The following TDRD3 variants were observed in gnomAD, a reference collection of about 807,000 sequenced individuals.
TDRD3 encodes tudor domain containing 3, also known as tudor domain-containing protein 3.
TDRD3 carries 45 observed loss-of-function variants against 86.7 expected under a neutral mutation model. That is an observed-to-expected ratio of 0.52 (90% CI 0.41 to 0.67). The LOEUF (loss-of-function observed/expected upper bound fraction) is 0.67. Among genes scored for constraint, TDRD3 ranks in the 30% least tolerant of loss-of-function variants. The pLI is 0.00. For missense variants in TDRD3, 814 were observed against 889.0 expected, an observed-to-expected ratio of 0.92 and a Z score of 1.07; for synonymous variants, 298 against 301.7, an observed-to-expected ratio of 0.99 and a Z score of 0.13.
intron 5 of TDRD3, among the ~76,000 whole-genome samples, chr13:60,482,635 TTTG>T (rs1242486010): frequency 6.6e-6 from 1 of 152,188 alleles, no homozygotes; most frequent in Non-Finnish European, 1.5e-5. Context: ...ATTTTATGCA[TTTG>T]TTGTTGTGAA....
At chr13:60,493,507 C>G (rs1000793136) in intron 7 of TDRD3, among the ~76,000 whole-genome samples, 11 of 151,932 alleles carry the variant, frequency 7.2e-5, no homozygotes, top group Non-Finnish European at 1.5e-4. Flanking sequence ...ACTAAAAATA[C>G]AAAAATTAGC....
intron 3 of TDRD3, among the ~76,000 whole-genome samples, chr13:60,448,890 T>C (rs1955467970): frequency 6.6e-6 from 1 of 152,224 alleles, no homozygotes; most frequent in South Asian, 2.1e-4. Context: ...TTCAAAATAC[T>C]TTCTTATCAA....
intron 1 of TDRD3, among the ~76,000 whole-genome samples, chr13:60,397,817 A>T (rs1414647913): frequency 6.6e-6 from 1 of 151,936 alleles, no homozygotes; most frequent in Non-Finnish European, 1.5e-5. Flanking sequence ...GCTGGGAACG[A>T]AGTGCGGCGG....
intron 7 of TDRD3, among the ~76,000 whole-genome samples, chr13:60,486,602 A>G (rs760721023): frequency 2.0e-5 from 3 of 152,150 alleles, no homozygotes; most frequent in Admixed American, 2.0e-4. Context: ...AACATTTACC[A>G]TCTTTGTGTT....
intron 5 of TDRD3, among the ~76,000 whole-genome samples, chr13:60,476,185 A>C (rs1296554309): frequency 2.0e-5 from 3 of 152,166 alleles, no homozygotes; most frequent in African/African-American, 7.2e-5. Flanking sequence ...GTTACATTAA[A>C]GTCTTTAATT....
intron 1 of TDRD3, among the ~76,000 whole-genome samples, chr13:60,438,801 T>G (rs1024672539): frequency 1.3e-5 from 2 of 152,152 alleles, no homozygotes; most frequent in African/African-American, 4.8e-5. Flanking sequence ...ACTAGCAGTC[T>G]TGGATCCTTT....
intron 13 of TDRD3, among the ~76,000 whole-genome samples, chr13:60,571,823 CAGGAGATACCT>C (rs1180675907): frequency 6.6e-6 from 1 of 151,920 alleles, no homozygotes; most frequent in Non-Finnish European, 1.5e-5. Context: ...AGTGACAGAG[CAGGAGATACCT>C]AGGAATCAGG....
chr13:60,408,651 T>C lies in TDRD3; in HGVS notation c.41+11246T>C, dbSNP rs1954289621. 1.3e-5 allele frequency among the ~76,000 whole-genome samples: 2 copies of C among 152,136 alleles called. 1 individual carries two copies. The highest frequency in any genetic ancestry group is 2.9e-5 in the Non-Finnish European group (2 of 68,030). ...TGTGGAACTTTGCACTTGAGAGAGA[T>C]GATTTAAGGTATCTAGCAGAAGAAA... On this transcript the variant is annotated intron_variant, in intron 1 of 13. Transcript: ENST00000377881.
chr13:60,411,711 C>G (rs970065659), intron 1 of TDRD3, among the ~76,000 whole-genome samples: 2 of 152,126 alleles, frequency 1.3e-5, no homozygotes, highest in Non-Finnish European at 2.9e-5. Flanking sequence ...TCCCCTCACC[C>G]CTTGCTACTC....
chr13:60,463,056 G>A (rs1219030854), intron 4 of TDRD3, among the ~76,000 whole-genome samples: 3 of 152,138 alleles, frequency 2.0e-5, no homozygotes, highest in Non-Finnish European at 2.9e-5. Flanking sequence ...AGGAAAACTA[G>A]CATATGTAGA....
intron 7 of TDRD3, among the ~76,000 whole-genome samples, chr13:60,490,170 A>ATAAT (rs1204655482): frequency 6.6e-6 from 1 of 151,298 alleles, no homozygotes; most frequent in East Asian, 1.9e-4. Context: ...TTATCCAGTG[A>ATAAT]TAATTGTAGG....
chr13:60,524,153 T>A (rs976226682), intron 10 of TDRD3, among the ~76,000 whole-genome samples: 4 of 152,128 alleles, frequency 2.6e-5, no homozygotes, highest in Non-Finnish European at 5.9e-5. Context: ...ACTTAGAATC[T>A]GACTGGGGAA....
intron 1 of TDRD3, among the ~76,000 whole-genome samples, chr13:60,408,518 C>G (rs1954286632): frequency 6.6e-6 from 1 of 152,146 alleles, no homozygotes; most frequent in Non-Finnish European, 1.5e-5. Context: ...CAATAAGATC[C>G]AGGCTGAGGT....
At chr13:60,485,679 G>A (rs1029254983) in intron 6 of TDRD3, 120 bp from the exon 7 acceptor site, 10 of 783,138 alleles carry the variant, frequency 1.3e-5, no homozygotes, top group Non-Finnish European at 1.8e-5. Context: ...AATTTTATTT[G>A]TGTAGGCTTT....
At chr13:60,479,251 G>A (rs887785378) in intron 5 of TDRD3, among the ~76,000 whole-genome samples, 12 of 152,018 alleles carry the variant, frequency 7.9e-5, no homozygotes, top group Non-Finnish European at 1.8e-4. Context: ...TGATTTCATT[G>A]TTCACCCAGA....
chr13:60,407,108 T>G (rs1256896220), intron 1 of TDRD3, among the ~76,000 whole-genome samples: 1 of 152,194 alleles, frequency 6.6e-6, no homozygotes, highest in Non-Finnish European at 1.5e-5. Context: ...TTGACTCAGT[T>G]CAAGCTTTGT....
chr13:60,413,486 G>T (rs1954417859), intron 1 of TDRD3, among the ~76,000 whole-genome samples: 1 of 152,036 alleles, frequency 6.6e-6, no homozygotes, highest in Non-Finnish European at 1.5e-5. Context: ...TCTATAAAAT[G>T]GTGTCAATAT....
intron 7 of TDRD3, among the ~76,000 whole-genome samples, chr13:60,489,531 T>C (rs1415154164): frequency 6.6e-6 from 1 of 152,194 alleles, no homozygotes; most frequent in African/African-American, 2.4e-5. Flanking sequence ...GGATGGTTAC[T>C]CAGCTTTTTT....
chr13:60,408,669 A>G lies in TDRD3; in HGVS notation c.41+11264A>G, dbSNP rs145590871. Among the ~76,000 whole-genome samples the G allele has an allele frequency of 5.3e-5, 8 of 152,344 alleles. No homozygotes were observed. In the East Asian group the frequency reaches 1.4e-3, roughly 26 times the overall value. On this transcript the variant is annotated intron_variant, in intron 1 of 13. Transcript: ENST00000377881. ...AGAGAGATGATTTAAGGTATCTAGC[A>G]GAAGAAATTTCTAAGCAGCATAGCA...
Sources: gnomAD v4.1 joint callset for allele counts (sites outside exome capture counted in the v4.1 genomes callset) on GRCh38, gnomAD v4.1.1 for gene constraint, MANE v1.5 for transcripts, NCBI Gene and HGNC (gene_info 2026-07-23, HGNC 2026-07-21) for gene names.